Variants in PDE4D observed in about 807,000 individuals in gnomAD.
PDE4D encodes 3',5'-cyclic-AMP phosphodiesterase 4D.
PDE4D carries 24 observed loss-of-function variants against 87.4 expected under a neutral mutation model. The ratio of observed to expected loss-of-function variants is 0.27; its 90% confidence interval spans 0.20 to 0.39. The LOEUF is 0.39. Ranked by LOEUF, PDE4D falls within the 10% of genes least tolerant of loss-of-function variation. The pLI, the probability that PDE4D is intolerant of heterozygous loss-of-function variation, is 1.00. For synonymous variants in PDE4D, 384 were observed against 383.2 expected (o/e 1.00, Z -0.02); for missense variants, 714 against 1,041.0 (o/e 0.69, Z 4.32).
intron 1 of PDE4D, among the ~76,000 whole-genome samples, chr5:59,638,329 G>T (rs1438720074): frequency 6.6e-6 from 1 of 152,182 alleles, no homozygotes; most frequent in Non-Finnish European, 1.5e-5. Flanking sequence ...CGAAATGTAT[G>T]CAAATTGCAA....
chr5:59,155,427 A>C (rs1391257239), intron 5 of PDE4D, among the ~76,000 whole-genome samples: 1 of 152,164 alleles, frequency 6.6e-6, no homozygotes, highest in Admixed American at 6.5e-5. Context: ...AACTAAGAAG[A>C]CAATTAGGAG....
At chr5:59,791,281 G>A (rs527390529) in intron 1 of PDE4D, among the ~76,000 whole-genome samples, 2 of 152,294 alleles carry the variant, frequency 1.3e-5, no homozygotes, top group South Asian at 2.1e-4. Context: ...TAAAAGCCAG[G>A]AGAACAAACA....
intron 1 of PDE4D, among the ~76,000 whole-genome samples, chr5:59,603,101 G>C (rs2150037596): frequency 6.6e-6 from 1 of 152,028 alleles, no homozygotes; most frequent in Non-Finnish European, 1.5e-5. Flanking sequence ...TTTAGGCAAT[G>C]ATTTTTTGAA....
At chr5:60,461,182 T>A (rs1746908729) in intron 1 of PDE4D, among the ~76,000 whole-genome samples, 1 of 152,186 alleles carries the variant, frequency 6.6e-6, no homozygotes, top group African/African-American at 2.4e-5. Context: ...CAAACATCCA[T>A]CTTCTCCATA....
chr5:59,955,780 C>T (rs1018308905), intron 3 of PDE4D, among the ~76,000 whole-genome samples: 1 of 152,136 alleles, frequency 6.6e-6, no homozygotes, highest in Non-Finnish European at 1.5e-5. Flanking sequence ...ACCCTCCCTC[C>T]CTCCTGCCCT....
intron 3 of PDE4D, among the ~76,000 whole-genome samples, chr5:59,948,920 T>C (rs1000221877): frequency 2.0e-5 from 3 of 152,354 alleles, no homozygotes; most frequent in Admixed American, 6.5e-5. Flanking sequence ...TTAACATTTA[T>C]TGAATGCTCA....
At chr5:59,221,390 A>T (rs1752532103) in intron 1 of PDE4D, among the ~76,000 whole-genome samples, 1 of 152,114 alleles carries the variant, frequency 6.6e-6, no homozygotes, top group Non-Finnish European at 1.5e-5. Flanking sequence ...CCAGCACTTT[A>T]GGAAGCCAAG....
chr5:59,911,127 T>G (rs773649432), intron 3 of PDE4D, among the ~76,000 whole-genome samples: 2 of 152,216 alleles, frequency 1.3e-5, no homozygotes, highest in African/African-American at 2.4e-5. Flanking sequence ...AAACAAACTC[T>G]TTTCTTGCCT....
chr5:59,177,334 T>C (rs753610031), intron 5 of PDE4D, among the ~76,000 whole-genome samples: 3 of 152,182 alleles, frequency 2.0e-5, no homozygotes, highest in Non-Finnish European at 2.9e-5. Context: ...ACCCAGTCTA[T>C]GGTACTTTGT....
chr5:60,519,747 T>C (rs1750954087), intron 1 of PDE4D, among the ~76,000 whole-genome samples: 1 of 152,248 alleles, frequency 6.6e-6, no homozygotes, highest in African/African-American at 2.4e-5. Context: ...GCAGAATACC[T>C]TAAGGAAAAT....
chr5:60,125,617 G>A (rs1215132454), intron 2 of PDE4D, among the ~76,000 whole-genome samples: 1 of 152,164 alleles, frequency 6.6e-6, no homozygotes, highest in Non-Finnish European at 1.5e-5. Flanking sequence ...GAGAGAGAGA[G>A]AGAGAAGAGT....
chr5:59,605,441 GTC>G (rs1828065406), intron 1 of PDE4D, among the ~76,000 whole-genome samples: 2 of 151,976 alleles, frequency 1.3e-5, no homozygotes, highest in Admixed American at 6.6e-5. Context: ...TTGTTCTTAA[GTC>G]TCTCTTTCTT....
chr5:60,393,236 A>G (rs1239201230), intron 1 of PDE4D, among the ~76,000 whole-genome samples: 2 of 152,162 alleles, frequency 1.3e-5, no homozygotes, highest in Non-Finnish European at 2.9e-5. Context: ...TGTGTCACAC[A>G]TCGGAACAAC....
At chr5:59,476,120 A>T (rs1803258592) in intron 1 of PDE4D, among the ~76,000 whole-genome samples, 1 of 152,078 alleles carries the variant, frequency 6.6e-6, no homozygotes. Context: ...TTATGAAGAA[A>T]ATAGTGGCCT....
intron 2 of PDE4D, among the ~76,000 whole-genome samples, chr5:60,099,309 A>T (rs989192278): frequency 5.3e-5 from 8 of 152,068 alleles, no homozygotes; most frequent in Admixed American, 5.2e-4. Context: ...TGCCTGGAGC[A>T]TTTGAGCCTC....
At chr5:59,962,372 TGACA>T (rs1429143029) in intron 3 of PDE4D, among the ~76,000 whole-genome samples, 5 of 152,104 alleles carry the variant, frequency 3.3e-5, no homozygotes, top group African/African-American at 9.7e-5. Flanking sequence ...ATGTTGACAT[TGACA>T]GAGAGGATCT....
intron 1 of PDE4D, among the ~76,000 whole-genome samples, chr5:60,231,881 G>A (rs534577039): frequency 6.6e-6 from 1 of 151,896 alleles, no homozygotes; most frequent in South Asian, 2.1e-4. Context: ...ATTTGAAACA[G>A]TTGCATAATA....
At chr5:60,104,720 T>C (rs952868860) in intron 2 of PDE4D, among the ~76,000 whole-genome samples, 1 of 152,216 alleles carries the variant, frequency 6.6e-6, no homozygotes, top group African/African-American at 2.4e-5. Flanking sequence ...TCCGCTGTTC[T>C]GCAGACACCG....
chr5:60,335,328 G>A (rs996213504), intron 1 of PDE4D, among the ~76,000 whole-genome samples: 2 of 152,232 alleles, frequency 1.3e-5, no homozygotes, highest in Admixed American at 6.5e-5. Flanking sequence ...AGTGAAGTCA[G>A]AGAGTGAAAA....
Sources: gnomAD v4.1 joint callset for allele counts (sites outside exome capture counted in the v4.1 genomes callset) on GRCh38, gnomAD v4.1.1 for gene constraint, MANE v1.5 for transcripts, NCBI Gene and HGNC (gene_info 2026-07-23, HGNC 2026-07-21) for gene names.